The following MYH16 variants were observed in gnomAD, a reference collection of about 807,000 sequenced individuals.
MYH16 encodes the protein myosin heavy chain 16.
chr7:99,262,057 G>A (rs1791943038), intron 13 of MYH16: 1 of 152,224 alleles, frequency 6.6e-6, no homozygotes, highest in African/African-American at 2.4e-5. Context: ...CCAACAAGGT[G>A]ACATATATAA....
At chr7:99,273,908 G>A (rs1328780815) in intron 20 of MYH16, among the ~76,000 whole-genome samples, 1 of 151,892 alleles carries the variant, frequency 6.6e-6, no homozygotes, top group Admixed American at 6.6e-5. Context: ...GAGAGGAAAG[G>A]AAGGGAGAGA....
At chr7:99,279,553 T>C (rs1792171924) in exon 22 of MYH16, 2 of 456,302 alleles carry the variant, frequency 4.4e-6, no homozygotes, top group African/African-American at 4.0e-5. Flanking sequence ...CTGACATGGA[T>C]GATGAAGACC....
chr7:99,309,819 T>A (rs73395512), downstream of MYH16, among the ~76,000 whole-genome samples: 959 of 152,324 alleles, frequency 6.3e-3, 15 homozygotes, highest in African/African-American at 0.022. Flanking sequence ...GATGAGGCTG[T>A]GCCTCTGGGG....
At chr7:99,299,864 C>CA (rs1366612267) in intron 37 of MYH16, among the ~76,000 whole-genome samples, 1 of 151,974 alleles carries the variant, frequency 6.6e-6, no homozygotes, top group Non-Finnish European at 1.5e-5. Flanking sequence ...AGATTCTGGA[C>CA]AATTGGAAAG....
At chr7:99,246,690 A>G (rs922984056) in intron 2 of MYH16, among the ~76,000 whole-genome samples, 1 of 152,008 alleles carries the variant, frequency 6.6e-6, no homozygotes, top group Admixed American at 6.6e-5. Flanking sequence ...TGACAGAGTG[A>G]GACTCCATCC....
chr7:99,291,937 C>T (rs781296232), intron 31 of MYH16, among the ~76,000 whole-genome samples: 7 of 151,878 alleles, frequency 4.6e-5, no homozygotes, highest in Non-Finnish European at 1.0e-4. Flanking sequence ...GAGTGAAACT[C>T]GGTCTCAGGA....
At chr7:99,242,846 C>T (rs1251406984) in intron 1 of MYH16, among the ~76,000 whole-genome samples, 1 of 152,124 alleles carries the variant, frequency 6.6e-6, no homozygotes, top group Non-Finnish European at 1.5e-5. Context: ...ACCGCTAACT[C>T]TCAAGGCAGA....
chr7:99,261,809 C>T (rs1218608826), intron 13 of MYH16: 2 of 152,392 alleles, frequency 1.3e-5, no homozygotes, highest in African/African-American at 2.4e-5. Context: ...CACACTTCCT[C>T]ATCACTTCTC....
At chr7:99,281,716 G>A (rs931946154) in intron 23 of MYH16, among the ~76,000 whole-genome samples, 7 of 152,306 alleles carry the variant, frequency 4.6e-5, no homozygotes, top group Non-Finnish European at 1.0e-4. Context: ...GGCAACAACA[G>A]GCCATGAGTT....
intron 20 of MYH16, among the ~76,000 whole-genome samples, chr7:99,274,330 TCAGGCAC>T (rs1340365300): frequency 6.6e-6 from 1 of 151,856 alleles, no homozygotes; most frequent in Non-Finnish European, 1.5e-5. Context: ...GAAGAGGGAG[TCAGGCAC>T]CAGGCAGCTA....
downstream of MYH16, among the ~76,000 whole-genome samples, chr7:99,309,356 G>A (rs1159480441): frequency 6.6e-6 from 1 of 152,122 alleles, no homozygotes; most frequent in Admixed American, 6.6e-5. Flanking sequence ...AGTAATGGTG[G>A]TCAGTTTGGG....
At chr7:99,270,283 G>A (rs1792031700) in intron 18 of MYH16, among the ~76,000 whole-genome samples, 1 of 150,454 alleles carries the variant, frequency 6.6e-6, no homozygotes, top group South Asian at 2.1e-4. Flanking sequence ...GCCAGCCTTG[G>A]TTATGGGCAA....
intron 1 of MYH16, among the ~76,000 whole-genome samples, chr7:99,242,899 G>T: frequency 6.6e-6 from 1 of 152,222 alleles, no homozygotes; most frequent in East Asian, 1.9e-4. Flanking sequence ...TGGGATCAAA[G>T]AATAAGCTCT....
At chr7:99,302,896 GAAAAA>G (rs370294941) in intron 38 of MYH16, among the ~76,000 whole-genome samples, 164 bp from the exon 20 acceptor site, 5 of 144,732 alleles carry the variant, frequency 3.5e-5, no homozygotes, top group African/African-American at 1.3e-4. Context: ...AAAAAAAAAA[GAAAAA>G]AAAAAGAATG....
chr7:99,247,701 G>A (rs1330386019), exon 3 of MYH16: 5 of 197,946 alleles, frequency 2.5e-5, no homozygotes, highest in Non-Finnish European at 5.5e-5. Context: ...CAGAGATGCC[G>A]CCTCACCTCT....
chr7:99,307,991 G>C (rs977231730), downstream of MYH16, among the ~76,000 whole-genome samples: 3 of 152,046 alleles, frequency 2.0e-5, no homozygotes, highest in African/African-American at 7.2e-5. Flanking sequence ...TGGGATTACA[G>C]GCATGAGCCA....
chr7:99,308,748 A>T (rs998520660), downstream of MYH16, among the ~76,000 whole-genome samples: 1 of 152,180 alleles, frequency 6.6e-6, no homozygotes, highest in African/African-American at 2.4e-5. Context: ...ACATGGAGCC[A>T]GGGTGTGGAG....
chr7:99,298,918 G>A (rs951645719), intron 36 of MYH16, among the ~76,000 whole-genome samples: 1 of 151,976 alleles, frequency 6.6e-6, no homozygotes, highest in Non-Finnish European at 1.5e-5. Context: ...AAAAGTATCC[G>A]TTGAAGCATA....
chr7:99,298,084 C>T (rs567248445), intron 36 of MYH16, 89 bp downstream of exon 17: 20 of 424,802 alleles, frequency 4.7e-5, no homozygotes, highest in South Asian at 1.7e-5. Context: ...CTACTAGTCG[C>T]GTGACGTTGG....
Sources: allele counts gnomAD v4.1 joint callset (sites outside exome capture counted in the v4.1 genomes callset), GRCh38; gene constraint gnomAD v4.1.1; transcripts MANE v1.5; gene names NCBI Gene and HGNC (gene_info 2026-07-23, HGNC 2026-07-21).